Variants in ABCC2 observed in about 807,000 individuals in gnomAD.
ABCC2 encodes ATP binding cassette subfamily C member 2, also known as ATP-binding cassette sub-family C member 2.
In ABCC2, 157 loss-of-function variants were observed where a neutral mutation model predicts 173.4. The observed-to-expected ratio is 0.91, with a 90% CI of 0.80 to 1.03. ABCC2 has a LOEUF of 1.03. Ranked by LOEUF, ABCC2 falls within the 50% of genes least tolerant of loss-of-function variation. The probability of loss-of-function intolerance (pLI) is 0.00; values close to 1 mark genes in which losing one functional copy is unlikely to be tolerated. For synonymous variants in ABCC2, 657 were observed against 693.5 expected (o/e 0.95, Z 0.83); for missense variants, 1,822 against 1,852.3 (o/e 0.98, Z 0.30).
chr10:99,793,144 T>A (rs2037837151), intron 3 of ABCC2, among the ~76,000 whole-genome samples: 1 of 152,190 alleles, frequency 6.6e-6, no homozygotes, highest in Admixed American at 6.5e-5. Context: ...AATTAATTGC[T>A]TAATCTTATA....
chr10:99,844,926 G>A lies in ABCC2; in HGVS notation c.3987+461G>A, dbSNP rs1046078215. ...GAGGACTTGGGGTCTGATGAGCAAG[G>A]ACGCTGAGGTCCAGATCAGAGTCTG... On this transcript the variant is annotated intron_variant, in intron 28 of 31. Transcript: ENST00000647814. 2.6e-5 allele frequency among the ~76,000 whole-genome samples: 4 copies of A among 152,214 alleles called. No homozygotes were observed. The South Asian group carries it at 8.3e-4, about 31-fold the overall frequency.
Position 99,830,769 on chromosome 10 carries a change from G to C in ABCC2, c.2801G>C (p.Arg934Pro). Residue 934 changes from arginine (R) to proline (P), a missense_variant, in exon 21 of 32, where the codon CGG becomes CCG. By Grantham distance (103) the Arg-to-Pro change is moderately radical (BLOSUM62 -2). Transcript: ENST00000647814. ...LKSLRNSLKTRNVNSLKEDEE... is the reference protein window; with the variant it reads ...LKSLRNSLKTPNVNSLKEDEE... The stretch of plus-strand genomic sequence containing the variant: ...TCCCTGAGAAACTCCTTGAAAACTC[G>C]GAATGTGAATAGCCTGAAGGAAGAC... 1 of 1,614,048 alleles carries C rather than the reference G, an allele frequency of 6.2e-7. No individual in the cohort carries two copies. Among genetic ancestry groups the C allele is most frequent in the Non-Finnish European group, 8.5e-7 (1 of 1,180,016 alleles).
intron 23 of ABCC2, among the ~76,000 whole-genome samples, chr10:99,832,849 C>A (rs1357859809): frequency 6.6e-6 from 1 of 152,210 alleles, no homozygotes; most frequent in Non-Finnish European, 1.5e-5. Context: ...TTTCTATGAG[C>A]CAACTACTGT....
intron 25 of ABCC2, among the ~76,000 whole-genome samples, chr10:99,841,122 C>T (rs1224233972): frequency 6.6e-6 from 1 of 152,168 alleles, no homozygotes; most frequent in Non-Finnish European, 1.5e-5. Context: ...TTCTTCTTCC[C>T]CTTTTACAAA....
intron 16 of ABCC2, among the ~76,000 whole-genome samples, chr10:99,814,797 A>ATG (rs771994615): frequency 0.018 from 2,450 of 138,334 alleles, 97 homozygotes; most frequent in African/African-American, 0.064. Flanking sequence ...ACACACACAT[A>ATG]TGTGTGTGTG....
chr10:99,816,985 T>C (rs1590169676), intron 16 of ABCC2, among the ~76,000 whole-genome samples: 1 of 152,198 alleles, frequency 6.6e-6, no homozygotes, highest in South Asian at 2.1e-4. Flanking sequence ...TAGCCTTTCG[T>C]TGGTCCTAGT....
chr10:99,835,782 G>A (rs1041623918), intron 24 of ABCC2, among the ~76,000 whole-genome samples: 1 of 152,202 alleles, frequency 6.6e-6, no homozygotes, highest in Non-Finnish European at 1.5e-5. Context: ...GATAGCCGTA[G>A]ATCTGGGGGA....
chr10:99,810,851 C>G (rs1164913802), intron 14 of ABCC2, among the ~76,000 whole-genome samples: 1 of 152,052 alleles, frequency 6.6e-6, no homozygotes, highest in Non-Finnish European at 1.5e-5. Context: ...ATGGAGAAAC[C>G]CTGTCTCTAC....
intron 18 of ABCC2, 26 bp downstream of exon 18, chr10:99,818,983 G>C (rs2038476135): frequency 2.7e-6 from 4 of 1,466,180 alleles, no homozygotes; most frequent in Non-Finnish European, 3.7e-6. Flanking sequence ...ACATGATGAA[G>C]ATATAAAGGT....
chr10:99,844,589 C>A (rs1316830840), intron 28 of ABCC2, 124 bp downstream of exon 28: 23 of 1,289,160 alleles, frequency 1.8e-5, no homozygotes, highest in African/African-American at 7.3e-5. Context: ...CAGGGCACTT[C>A]CTCTGCCCTG....
At chr10:99,838,578 G>A (rs1305087911) in intron 25 of ABCC2, among the ~76,000 whole-genome samples, 3 of 10,370 alleles carry the variant, frequency 2.9e-4, no homozygotes, top group African/African-American at 3.7e-4. Flanking sequence ...TCTCCCTCCC[G>A]GACGGGGTGG....
At chr10:99,819,339 C>G in intron 19 of ABCC2, 70 bp downstream of exon 19, 1 of 1,419,368 alleles carries the variant, frequency 7.0e-7, no homozygotes, top group African/African-American at 1.4e-5. Flanking sequence ...TATCTAATTC[C>G]TGAACTGCTC....
intron 13 of ABCC2, among the ~76,000 whole-genome samples, chr10:99,808,855 T>C (rs2038161052): frequency 6.6e-6 from 1 of 152,104 alleles, no homozygotes; most frequent in Non-Finnish European, 1.5e-5. Context: ...CTTGCATTTA[T>C]CCCCTAAGTG....
At chr10:99,797,065 G>A in intron 6 of ABCC2, 32 bp from the exon 7 acceptor site, 2 of 1,601,796 alleles carry the variant, frequency 1.2e-6, no homozygotes, top group Non-Finnish European at 1.7e-6. Flanking sequence ...CCCAGCCTGG[G>A]GGTCTCAGCC....
In ABCC2 at chr10:99,813,090, G is replaced by C. The variant is rs1161017545; in HGVS notation, c.2040G>C (p.Leu680Phe). The C allele has an allele frequency of 6.2e-7, 1 of 1,614,048 alleles. No individual in the cohort carries two copies. The highest frequency in any genetic ancestry group is 8.5e-7 in the Non-Finnish European group (1 of 1,179,948). The stretch of plus-strand genomic sequence containing the variant: ...CTGTCGGCTCTGGGAAATCCTCCTT[G>C]ATATCAGCCATGCTGGGAGAAATGG... ...IGPVGSGKSS[L>F]ISAMLGEMEN... Residue 680 changes from leucine (L) to phenylalanine (F), a missense_variant, in exon 16 of 32, where the codon TTG becomes TTC. Coordinates refer to ENST00000647814, the MANE Select transcript of ABCC2 (RefSeq NM_000392.5).
Position 99,806,299 on chromosome 10 carries a change from C to G in ABCC2, c.1530+852C>G, listed in dbSNP as rs572104874. ...TAACTTGAGCGGGCCCAGGTGCTGT[C>G]AGCCTGATCCATCCCTTACAAGGTT... On this transcript the variant is annotated intron_variant, in intron 11 of 31. Transcript: ENST00000647814. Among the ~76,000 whole-genome samples the G allele has an allele frequency of 9.2e-5, 14 of 152,272 alleles. No homozygotes were observed. In the South Asian group the frequency reaches 2.7e-3, roughly 29 times the overall value.
chr10:99,844,187 C>A, intron 27 of ABCC2, 135 bp from the exon 28 acceptor site: 1 of 1,074,938 alleles, frequency 9.3e-7, no homozygotes, highest in Non-Finnish European at 1.4e-6. Flanking sequence ...TCTAGTTCAG[C>A]CTATTAAATG....
intron 11 of ABCC2, among the ~76,000 whole-genome samples, chr10:99,806,143 G>A (rs961795904): frequency 2.7e-5 from 4 of 150,324 alleles, no homozygotes; most frequent in Non-Finnish European, 4.4e-5. Flanking sequence ...TAGGTTATTT[G>A]TCCTATTTCC....
At chr10:99,806,519 G>A (rs1242869972) in intron 11 of ABCC2, among the ~76,000 whole-genome samples, 5 of 152,182 alleles carry the variant, frequency 3.3e-5, no homozygotes, top group Admixed American at 1.3e-4. Flanking sequence ...CCACCAAGGT[G>A]AAAAACACTA....
Sources: allele counts gnomAD v4.1 joint callset (sites outside exome capture counted in the v4.1 genomes callset), GRCh38; gene constraint gnomAD v4.1.1; transcripts MANE v1.5; gene names NCBI Gene and HGNC (gene_info 2026-07-23, HGNC 2026-07-21).